Variants in MTFR1 observed in about 807,000 individuals in gnomAD.
The protein encoded by MTFR1 is mitochondrial fission regulator 1, also known as chondrocyte protein with a poly-proline region.
A neutral mutation model predicts 38.8 loss-of-function variants in MTFR1; 28 were observed. That is an observed-to-expected ratio of 0.72 (90% CI 0.53 to 0.99). The LOEUF (loss-of-function observed/expected upper bound fraction) is 0.99, where lower values mean the gene tolerates loss of function less well. Ranked by LOEUF, MTFR1 falls within the 50% of genes least tolerant of loss-of-function variation. The pLI is 0.00. For missense variants in MTFR1, 358 were observed against 395.5 expected, an observed-to-expected ratio of 0.91 and a Z score of 0.81; for synonymous variants, 145 against 137.0, an observed-to-expected ratio of 1.06 and a Z score of -0.41.
chr8:65,718,174 G>C (rs1447525531), intron 2 of MTFR1: 1 of 152,162 alleles, frequency 6.6e-6, no homozygotes, highest in Non-Finnish European at 1.5e-5. Context: ...CCTCCCCCGA[G>C]TGTGGCTGCT....
At chr8:65,678,055 T>C (rs1804767462) in intron 2 of MTFR1, among the ~76,000 whole-genome samples, 2 of 151,816 alleles carry the variant, frequency 1.3e-5, no homozygotes, top group Non-Finnish European at 2.9e-5. Flanking sequence ...TTTATGACCA[T>C]TTTCTTCTCC....
chr8:65,722,969 C>T (rs1467364571), intron 3 of MTFR1: 1 of 152,260 alleles, frequency 6.6e-6, no homozygotes, highest in African/African-American at 2.4e-5. Flanking sequence ...ACAGCGTATA[C>T]TTGGGAAACA....
chr8:65,674,792 G>C (rs1023595960), intron 2 of MTFR1, among the ~76,000 whole-genome samples: 1 of 152,014 alleles, frequency 6.6e-6, no homozygotes, highest in Non-Finnish European at 1.5e-5. Context: ...TGTGGCCAGT[G>C]CTTTTACATA....
chr8:65,747,214 G>C lies in MTFR1; in HGVS notation c.*49-23733G>C, dbSNP rs137944809. On this transcript the variant is annotated intron_variant, in intron 3 of 3. Coordinates refer to the MTFR1 transcript ENST00000521247. ...AATACACACACACACACAAAAAAGA[G>C]AGAGAGACCTAACTTTCTGTGCTGG... Among the ~76,000 whole-genome samples, 9 of 152,286 alleles carry C rather than the reference G, an allele frequency of 5.9e-5. No homozygotes were observed. In the East Asian group the frequency reaches 9.6e-4, roughly 16 times the overall value.
chr8:65,681,157 C>T (rs183775642), intron 2 of MTFR1, among the ~76,000 whole-genome samples: 1 of 151,960 alleles, frequency 6.6e-6, no homozygotes, highest in Non-Finnish European at 1.5e-5. Flanking sequence ...CATGATCCAC[C>T]CGCCTCGGCC....
intron 3 of MTFR1, among the ~76,000 whole-genome samples, chr8:65,763,091 C>A (rs975426192): frequency 2.0e-5 from 3 of 147,600 alleles, no homozygotes; most frequent in Non-Finnish European, 1.5e-5. Flanking sequence ...AATAAATTAG[C>A]CACTCGTAAT....
upstream of MTFR1, among the ~76,000 whole-genome samples, chr8:65,644,516 C>A (rs1392741053): frequency 1.3e-5 from 2 of 152,256 alleles, no homozygotes; most frequent in East Asian, 1.9e-4. Flanking sequence ...ACGGTGAAGG[C>A]ACAAAGCAAG....
intron 3 of MTFR1, among the ~76,000 whole-genome samples, chr8:65,768,173 A>G (rs1223332724): frequency 6.6e-6 from 1 of 152,196 alleles, no homozygotes; most frequent in Non-Finnish European, 1.5e-5. Flanking sequence ...GAGGGAAAAC[A>G]CAGTTTGAGG....
chr8:65,707,978 GTC>G lies in MTFR1; in HGVS notation c.902_903del (p.Ser301Ter), dbSNP rs767739001. 1.2e-6 allele frequency: 2 copies of G among 1,613,394 alleles called. No homozygotes were observed. Among genetic ancestry groups the G allele is most frequent in the Non-Finnish European group, 1.7e-6 (2 of 1,179,934 alleles). On this transcript the variant is annotated frameshift_variant, in exon 7 of 8. Coordinates refer to ENST00000262146, the MANE Select transcript of MTFR1 (RefSeq NM_014637.4). LOFTEE classifies it high-confidence loss of function. ...QDEVEKGIPK[S>X]ESEATSERVL... The stretch of plus-strand genomic sequence containing the variant: ...ATGAAGTTGAAAAAGGAATTCCAAA[GTC>G]TGAATCAGAGGCCACCTCAGAGAGA...
At chr8:65,647,633 T>C (rs1175905226) in intron 1 of MTFR1, among the ~76,000 whole-genome samples, 2 of 152,160 alleles carry the variant, frequency 1.3e-5, no homozygotes, top group Non-Finnish European at 2.9e-5. Flanking sequence ...GAAGTGATGA[T>C]AGACTTCATT....
intron 1 of MTFR1, among the ~76,000 whole-genome samples, chr8:65,659,265 G>C (rs944016268): frequency 6.6e-6 from 1 of 151,586 alleles, no homozygotes; most frequent in African/African-American, 2.4e-5. Flanking sequence ...GTGTCTGTTG[G>C]ATATAAAAAT....
chr8:65,753,008 G>A (rs1304217728), intron 3 of MTFR1, among the ~76,000 whole-genome samples: 1 of 152,010 alleles, frequency 6.6e-6, no homozygotes, highest in Non-Finnish European at 1.5e-5. Flanking sequence ...AACTCCTTTT[G>A]TTGTCTTATC....
intron 3 of MTFR1, among the ~76,000 whole-genome samples, chr8:65,749,107 C>T (rs1274022258): frequency 5.9e-5 from 9 of 152,136 alleles, no homozygotes; most frequent in Admixed American, 2.0e-4. Context: ...CTTGAAGAGG[C>T]GGGAAGCACC....
chr8:65,744,418 C>G (rs1385161949), intron 3 of MTFR1, among the ~76,000 whole-genome samples: 1 of 152,126 alleles, frequency 6.6e-6, no homozygotes, highest in Non-Finnish European at 1.5e-5. Context: ...CAATTTTATC[C>G]TAAATAAGAG....
At chr8:65,760,576 T>C (rs1226028529) in intron 3 of MTFR1, among the ~76,000 whole-genome samples, 1 of 152,164 alleles carries the variant, frequency 6.6e-6, no homozygotes, top group Non-Finnish European at 1.5e-5. Flanking sequence ...GTCCTAGAAT[T>C]GCTTCCAAAA....
chr8:65,698,570 CG>C (rs1048305501), intron 4 of MTFR1, among the ~76,000 whole-genome samples: 5 of 151,986 alleles, frequency 3.3e-5, no homozygotes, highest in African/African-American at 9.7e-5. Flanking sequence ...CTTTTAGGTT[CG>C]GGGGTACATG....
At position 65,708,008 on chromosome 8, in the gene MTFR1, G is replaced by A; in HGVS notation, c.930G>A (p.Val310=). 1 of 1,611,768 alleles carries A rather than the reference G, an allele frequency of 6.2e-7. No homozygotes were observed. Among genetic ancestry groups the A allele is most frequent in the Non-Finnish European group, 8.5e-7 (1 of 1,179,814 alleles). ...KSESEATSER[V]LFGPHMLKPT... ...AATCAGAGGCCACCTCAGAGAGAGT[G>A]TTGGTGAGTTATTTGCCCAGATTTC... The change falls in exon 7 of 8, where the codon GTG becomes GTA. Residue 310 remains valine (V), a synonymous_variant. Coordinates refer to ENST00000262146, the MANE Select transcript of MTFR1 (RefSeq NM_014637.4).
At chr8:65,680,960 CG>C (rs1438320034) in intron 2 of MTFR1, among the ~76,000 whole-genome samples, 1 of 139,032 alleles carries the variant, frequency 7.2e-6, no homozygotes, top group African/African-American at 2.7e-5. Flanking sequence ...GGCCGGACTG[CG>C]GACTGCAGTG....
exon 4 of MTFR1, chr8:65,771,117 C>T: frequency 7.1e-6 from 2 of 280,760 alleles, no homozygotes; most frequent in Non-Finnish European, 7.1e-6. Flanking sequence ...GGTTGAGGTC[C>T]TTCTTTTGTT....
Sources: gnomAD v4.1 joint callset for allele counts (sites outside exome capture counted in the v4.1 genomes callset) on GRCh38, gnomAD v4.1.1 for gene constraint, MANE v1.5 for transcripts, NCBI Gene and HGNC (gene_info 2026-07-23, HGNC 2026-07-21) for gene names.